UBE2V1: variants seen among roughly 807,000 people sequenced by gnomAD.
The protein encoded by UBE2V1 is ubiquitin conjugating enzyme E2 V1.
A neutral mutation model predicts 19.6 loss-of-function variants in UBE2V1; 15 were observed. The observed-to-expected ratio is 0.77, with a 90% CI of 0.51 to 1.18. The LOEUF is 1.18. Among genes scored for constraint, UBE2V1 ranks in the 50% most tolerant of loss-of-function variants. The pLI, the probability that UBE2V1 is intolerant of heterozygous loss-of-function variation, is 0.00. For synonymous variants in UBE2V1, 60 were observed against 60.7 expected (o/e 0.99, Z 0.05); for missense variants, 125 against 184.8 (o/e 0.68, Z 1.88).
At chr20:50,110,570 C>T (rs895304940) in intron 1 of UBE2V1, among the ~76,000 whole-genome samples, 1 of 152,162 alleles carries the variant, frequency 6.6e-6, no homozygotes, top group Non-Finnish European at 1.5e-5. Flanking sequence ...TTTAGTTTAC[C>T]CCAAGTAAGG....
chr20:50,085,848 A>T (rs2078883167), intron 2 of UBE2V1, among the ~76,000 whole-genome samples: 1 of 151,998 alleles, frequency 6.6e-6, no homozygotes, highest in Admixed American at 6.6e-5. Flanking sequence ...TAAAGCAAAA[A>T]CTAGCAGGCA....
At chr20:50,107,566 A>G (rs2080469690) in intron 1 of UBE2V1, among the ~76,000 whole-genome samples, 1 of 152,224 alleles carries the variant, frequency 6.6e-6, no homozygotes, top group Non-Finnish European at 1.5e-5. Context: ...GTACCTCTAT[A>G]AATACCACCA....
At chr20:50,102,011 C>T (rs1056746166) in intron 1 of UBE2V1, among the ~76,000 whole-genome samples, 18 of 152,084 alleles carry the variant, frequency 1.2e-4, no homozygotes, top group African/African-American at 4.3e-4. Context: ...CTGCAAAAGG[C>T]TCAGAGTAGG....
intron 2 of UBE2V1, among the ~76,000 whole-genome samples, chr20:50,093,428 G>T (rs1243710120): frequency 6.6e-6 from 1 of 152,144 alleles, no homozygotes; most frequent in East Asian, 1.9e-4. Context: ...ATGAAAGATT[G>T]GTCACAGGAA....
intron 1 of UBE2V1, among the ~76,000 whole-genome samples, chr20:50,108,668 C>T (rs1211198652): frequency 6.6e-6 from 1 of 152,160 alleles, no homozygotes; most frequent in Non-Finnish European, 1.5e-5. Context: ...AAGAGTGCAA[C>T]TTAAAAAGAA....
At position 50,106,650 on chromosome 20, in the gene UBE2V1, G is replaced by A. The variant is rs112994105; in HGVS notation, c.22+6457C>T. Reference sequence around the variant, plus strand: ...GTTCGAGAACAGCCTGACCAAGATGGAGAAACCCCGTCTCCACTAAAAATA... The same window carrying A: ...GTTCGAGAACAGCCTGACCAAGATGAAGAAACCCCGTCTCCACTAAAAATA... On this transcript the variant is annotated intron_variant, in intron 1 of 3. Transcript: ENST00000371674. 1.4e-3 allele frequency among the ~76,000 whole-genome samples: 215 copies of A among 152,092 alleles called. 2 individuals carry two copies. The highest frequency in any genetic ancestry group is 5.0e-3 in the African/African-American group (209 of 41,484).
chr20:50,084,372 G>A, intron 2 of UBE2V1, 118 bp from the exon 3 acceptor site: 1 of 1,577,692 alleles, frequency 6.3e-7, no homozygotes, highest in African/African-American at 1.3e-5. Flanking sequence ...TTCCAGCATG[G>A]AGTCTACTTG....
At chr20:50,091,943 C>T (rs2079256986) in intron 2 of UBE2V1, among the ~76,000 whole-genome samples, 1 of 152,298 alleles carries the variant, frequency 6.6e-6, no homozygotes, top group East Asian at 1.9e-4. Context: ...TTACTTCCTA[C>T]ACCCCTGTAA....
chr20:50,102,448 T>C (rs73278506), intron 1 of UBE2V1, among the ~76,000 whole-genome samples: 2,060 of 152,302 alleles, frequency 0.014, 43 homozygotes, highest in African/African-American at 0.047. Context: ...TCTTGGGGTG[T>C]CATGACCCAG....
In UBE2V1 at chr20:50,082,868, T is replaced by G; in HGVS notation, c.344A>C (p.Tyr115Ser). The change falls in exon 4 of 4, where the codon TAT (tyrosine) becomes TCT (serine). Residue 115 changes from tyrosine (Y) to serine (S), a missense_variant. Physicochemically the swap from Tyr to Ser is moderately radical, Grantham distance 144 (BLOSUM62 -2). Transcript: ENST00000371674. ...ISVLAKWQNSYSIKVVLQELR... is the reference protein window; with the variant it reads ...ISVLAKWQNSSSIKVVLQELR... ...CTCTTGCAGGACAACTTTGATGCTA[T>G]ATGAATTCTGCCATTTTGCTAGCAC... 6.2e-7 allele frequency: 1 copy of G among 1,612,456 alleles called. No homozygotes were observed. Among genetic ancestry groups the G allele is most frequent in the Non-Finnish European group, 8.5e-7 (1 of 1,179,846 alleles).
intron 2 of UBE2V1, among the ~76,000 whole-genome samples, chr20:50,092,247 G>A (rs139962458): frequency 0.015 from 2,275 of 152,216 alleles, 21 homozygotes; most frequent in Non-Finnish European, 0.024. Context: ...GCTTGAACCC[G>A]GGAGACAGAG....
chr20:50,111,297 T>C, intron 1 of UBE2V1: 4 of 989,338 alleles, frequency 4.0e-6, no homozygotes, highest in Non-Finnish European at 1.2e-6. Flanking sequence ...ACTTTTTAAC[T>C]GTCAGGGTCT....
intron 2 of UBE2V1, among the ~76,000 whole-genome samples, chr20:50,088,000 A>T (rs2079018771): frequency 6.6e-6 from 1 of 151,938 alleles, no homozygotes; most frequent in South Asian, 2.1e-4. Flanking sequence ...GTGTGCACAC[A>T]GGCTACTTTG....
At chr20:50,115,862 G>A, upstream of UBE2V1, 1 of 293,870 alleles carries the variant, frequency 3.4e-6, no homozygotes, top group Non-Finnish European at 6.2e-6. Context: ...ATGTTTACTC[G>A]CATGGATTCC....
chr20:50,111,111 A>C (rs201541348), intron 1 of UBE2V1, among the ~76,000 whole-genome samples: 1 of 152,258 alleles, frequency 6.6e-6, no homozygotes, highest in East Asian at 1.9e-4. Context: ...ACGATGGGAC[A>C]TAATAGGCCC....
rs374933241 is a variant in UBE2V1, at chr20:50,084,272, G to A, written c.172-18C>T. The A allele has an allele frequency of 1.2e-5, 20 of 1,610,382 alleles. No homozygotes were observed. Among genetic ancestry groups the A allele is most frequent in the Middle Eastern group, 1.6e-4 (1 of 6,080 alleles). On this transcript the variant is annotated intron_variant, in intron 2 of 3. Coordinates refer to ENST00000371674, the MANE Select transcript of UBE2V1 (RefSeq NM_001032288.3). ...TAAATTGTCTGGAAAAAAAGAGTAC[G>A]GAGATGTCACGCAATTACAAACAAA... is the stretch of plus-strand genomic sequence containing the variant.
intron 2 of UBE2V1, among the ~76,000 whole-genome samples, chr20:50,091,545 C>T (rs187156753): frequency 7.3e-5 from 11 of 150,868 alleles, no homozygotes; most frequent in African/African-American, 2.7e-4. Flanking sequence ...CATCTGCCAC[C>T]GCGCCCAGCT....
rs1025425012 is a variant in UBE2V1 at position 50,082,088 on chromosome 20, G to A, written c.*680C>T. The A allele has an allele frequency of 5.0e-5, 9 of 178,636 alleles. No individual in the cohort carries two copies. The highest frequency in any genetic ancestry group is 2.5e-4 in the Admixed American group (4 of 16,156). 11.1% of individuals were successfully genotyped at this position (178,636 alleles called of 1,614,324 possible). ...AAAAGCAGCACCCCTCGATAAAGGT[G>A]GGGGAGAGAAGATATGGGGAAAGCC... On this transcript the variant is annotated 3_prime_UTR_variant, in exon 4 of 4. Coordinates refer to ENST00000371674, the MANE Select transcript of UBE2V1 (RefSeq NM_001032288.3).
intron 1 of UBE2V1, among the ~76,000 whole-genome samples, chr20:50,107,794 T>C (rs774307133): frequency 6.6e-5 from 10 of 152,230 alleles, no homozygotes; most frequent in Admixed American, 1.3e-4. Context: ...GAAGTTGAGA[T>C]AGAATCTTGC....
Sources: allele counts gnomAD v4.1 joint callset (sites outside exome capture counted in the v4.1 genomes callset), GRCh38; gene constraint gnomAD v4.1.1; transcripts MANE v1.5; gene names NCBI Gene and HGNC (gene_info 2026-07-23, HGNC 2026-07-21).